DLG2: variants seen among roughly 807,000 people sequenced by gnomAD.
DLG2 encodes the protein disks large homolog 2.
DLG2 carries 45 observed loss-of-function variants against 132.5 expected under a neutral mutation model. The observed-to-expected ratio is 0.34, with a 90% CI of 0.27 to 0.44. The LOEUF is 0.44. Ranked by LOEUF, DLG2 falls within the 20% of genes least tolerant of loss-of-function variation. The pLI is 1.00. For missense variants in DLG2, 1,045 were observed against 1,196.9 expected, an observed-to-expected ratio of 0.87 and a Z score of 1.87; for synonymous variants, 424 against 419.6, an observed-to-expected ratio of 1.01 and a Z score of -0.13.
chr11:85,267,645 TA>T (rs1042586095), intron 4 of DLG2, among the ~76,000 whole-genome samples: 18 of 149,340 alleles, frequency 1.2e-4, no homozygotes, highest in Admixed American at 2.7e-4. Context: ...ATCAGTTATT[TA>T]AAAAAAAAAG....
intron 5 of DLG2, among the ~76,000 whole-genome samples, chr11:85,146,689 G>A (rs549717259): frequency 2.6e-5 from 4 of 152,290 alleles, no homozygotes; most frequent in Non-Finnish European, 5.9e-5. Context: ...CCTGGAATTA[G>A]GGAGGGGTAA....
intron 18 of DLG2, among the ~76,000 whole-genome samples, chr11:83,657,824 G>A (rs1412282258): frequency 6.6e-6 from 1 of 152,180 alleles, no homozygotes; most frequent in Non-Finnish European, 1.5e-5. Flanking sequence ...ACAGGCGTGA[G>A]CCACCGCGCC....
intron 7 of DLG2, among the ~76,000 whole-genome samples, chr11:84,406,086 T>C (rs896483932): frequency 1.3e-5 from 2 of 152,124 alleles, no homozygotes; most frequent in Non-Finnish European, 2.9e-5. Flanking sequence ...GCAACTCTAG[T>C]GCTACCTGAA....
intron 11 of DLG2, among the ~76,000 whole-genome samples, chr11:84,049,197 TAA>T (rs756803716): frequency 1.8e-4 from 28 of 151,918 alleles, no homozygotes; most frequent in African/African-American, 6.5e-4. Context: ...AAAATTTATT[TAA>T]GTTAGATATT....
At chr11:83,676,131 T>G (rs911095327) in intron 18 of DLG2, among the ~76,000 whole-genome samples, 1 of 152,116 alleles carries the variant, frequency 6.6e-6, no homozygotes, top group Admixed American at 6.6e-5. Context: ...GGGCTGGAGA[T>G]TTGGTCTCAT....
intron 7 of DLG2, among the ~76,000 whole-genome samples, chr11:84,442,690 T>G (rs900992788): frequency 1.4e-5 from 2 of 142,712 alleles, no homozygotes; most frequent in Admixed American, 6.8e-5. Flanking sequence ...TCCCAGAACT[T>G]AAGTATAATT....
At chr11:83,744,677 C>T (rs778918606) in intron 18 of DLG2, among the ~76,000 whole-genome samples, 4 of 152,000 alleles carry the variant, frequency 2.6e-5, no homozygotes, top group African/African-American at 4.8e-5. Context: ...TGTTTGGATC[C>T]GTTACCACTT....
intron 6 of DLG2, among the ~76,000 whole-genome samples, chr11:84,566,647 C>T (rs1364646281): frequency 6.6e-6 from 1 of 152,158 alleles, no homozygotes; most frequent in Non-Finnish European, 1.5e-5. Flanking sequence ...AATCCTCTGT[C>T]ACAATGTGAC....
At chr11:84,073,105 C>A (rs1382778497) in intron 10 of DLG2, among the ~76,000 whole-genome samples, 1 of 152,138 alleles carries the variant, frequency 6.6e-6, no homozygotes, top group Admixed American at 6.5e-5. Context: ...CAGGGTAGAA[C>A]AGAGTTGGCA....
chr11:84,318,710 G>A (rs1382380789), intron 7 of DLG2, among the ~76,000 whole-genome samples: 1 of 152,106 alleles, frequency 6.6e-6, no homozygotes, highest in African/African-American at 2.4e-5. Context: ...CTGCACAAGG[G>A]GCTGATATTA....
At chr11:84,036,718 T>G (rs2095873003) in intron 11 of DLG2, among the ~76,000 whole-genome samples, 1 of 152,160 alleles carries the variant, frequency 6.6e-6, no homozygotes. Flanking sequence ...TTAAAACTTG[T>G]GAATTACAAT....
chr11:85,599,079 G>C (rs2079974443), intron 2 of DLG2, among the ~76,000 whole-genome samples: 2 of 152,104 alleles, frequency 1.3e-5, no homozygotes, highest in Admixed American at 1.3e-4. Context: ...TCTTGTCAGA[G>C]ACACTGACCT....
At chr11:83,833,577 G>T in intron 17 of DLG2, 37 bp downstream of exon 17, 1 of 1,580,388 alleles carries the variant, frequency 6.3e-7, no homozygotes, top group South Asian at 1.2e-5. Context: ...GATGGCGTCA[G>T]ATATGGAGGG....
At chr11:85,344,218 TC>T (rs2082683934) in intron 3 of DLG2, among the ~76,000 whole-genome samples, 1 of 152,144 alleles carries the variant, frequency 6.6e-6, no homozygotes, top group South Asian at 2.1e-4. Context: ...ATCAATCTCA[TC>T]ATCCAAGGCA....
In DLG2 at chr11:84,600,240, A is replaced by AGC. The variant is rs1565420773; in HGVS notation, c.358-65510_358-65509insGC. Reference sequence around the variant, plus strand: ...AGAAAGAAAGAGAAAGAAAGACAGAAAAGCAAGCAAGCAAGCAGGCAGGCA... The same window carrying AGC: ...AGAAAGAAAGAGAAAGAAAGACAGAAGCAAGCAAGCAAGCAAGCAGGCAGGCA... On this transcript the variant is annotated intron_variant, in intron 6 of 27. Coordinates refer to ENST00000376104, the MANE Select transcript of DLG2 (RefSeq NM_001142699.3). Among the ~76,000 whole-genome samples, 673 of 143,508 alleles carry AGC rather than the reference A, an allele frequency of 4.7e-3. 14 individuals carry two copies. Among genetic ancestry groups the AGC allele is most frequent in the African/African-American group, 7.9e-3 (304 of 38,508 alleles). The allele number at this position is 143,508 out of a possible 152,430, so 94.1% of individuals were successfully genotyped here. A position where few individuals can be genotyped will look rare whatever the true frequency, so the allele number is the denominator to read the frequency against.
intron 18 of DLG2, among the ~76,000 whole-genome samples, chr11:83,711,289 C>T (rs1408666462): frequency 6.6e-6 from 1 of 152,214 alleles, no homozygotes; most frequent in Non-Finnish European, 1.5e-5. Context: ...GACCACTCTG[C>T]TCAGTAGAGG....
rs145997712 is a variant in DLG2, at chr11:84,270,654, T to C, written c.520-19363A>G. Among the ~76,000 whole-genome samples the C allele has an allele frequency of 4.3e-3, 656 of 152,334 alleles. 4 individuals carry two copies. Among genetic ancestry groups the C allele is most frequent in the African/African-American group, 0.015 (625 of 41,580 alleles). The stretch of plus-strand genomic sequence containing the variant: ...CATAGCTTATGGTGTGTGAGTGAGA[T>C]GATCCGGACCATCTAGGTGGCTCCG... On this transcript the variant is annotated intron_variant, in intron 7 of 27. Transcript: ENST00000376104.
intron 6 of DLG2, among the ~76,000 whole-genome samples, chr11:84,833,406 C>A (rs547557082): frequency 6.6e-6 from 1 of 151,560 alleles, no homozygotes; most frequent in East Asian, 2.0e-4. Context: ...TTATCTCACC[C>A]CTAAAATGTG....
At chr11:84,011,803 A>C (rs2094906680) in intron 11 of DLG2, among the ~76,000 whole-genome samples, 1 of 152,146 alleles carries the variant, frequency 6.6e-6, no homozygotes, top group Non-Finnish European at 1.5e-5. Context: ...AAACCTTGGC[A>C]CTAAAAAACA....
Sources: allele counts gnomAD v4.1 joint callset (sites outside exome capture counted in the v4.1 genomes callset), GRCh38; gene constraint gnomAD v4.1.1; transcripts MANE v1.5; gene names NCBI Gene and HGNC (gene_info 2026-07-23, HGNC 2026-07-21).